The following PRKG1 variants were observed in gnomAD, a reference collection of about 807,000 sequenced individuals.
The protein encoded by PRKG1 is protein kinase cGMP-dependent 1, also known as cGMP-dependent protein kinase 1.
A neutral mutation model predicts 88.1 loss-of-function variants in PRKG1; 35 were observed. That is an observed-to-expected ratio of 0.40 (90% CI 0.30 to 0.53). The LOEUF is 0.53. Ranked by LOEUF, PRKG1 falls within the 20% of genes least tolerant of loss-of-function variation. The pLI, the probability that PRKG1 is intolerant of heterozygous loss-of-function variation, is 0.59. For synonymous variants in PRKG1, 303 were observed against 292.5 expected (o/e 1.04, Z -0.37); for missense variants, 540 against 839.8 (o/e 0.64, Z 4.41).
intron 4 of PRKG1, among the ~76,000 whole-genome samples, chr10:51,811,987 A>G (rs1266089422): frequency 6.6e-6 from 1 of 152,182 alleles, no homozygotes; most frequent in African/African-American, 2.4e-5. Flanking sequence ...TATTTGTATG[A>G]CTTATTAATA....
intron 5 of PRKG1, among the ~76,000 whole-genome samples, chr10:52,037,940 G>A (rs910371223): frequency 2.0e-5 from 3 of 152,154 alleles, no homozygotes; most frequent in Non-Finnish European, 4.4e-5. Flanking sequence ...TTTGGGATGA[G>A]TGGCACTGGG....
intron 5 of PRKG1, among the ~76,000 whole-genome samples, chr10:51,926,009 T>C (rs1028024717): frequency 3.3e-5 from 5 of 152,168 alleles, no homozygotes; most frequent in African/African-American, 1.2e-4. Flanking sequence ...GAGCACATAT[T>C]TTTAGCTCTT....
chr10:52,101,491 C>T (rs1202247950), intron 7 of PRKG1, among the ~76,000 whole-genome samples: 3 of 152,100 alleles, frequency 2.0e-5, no homozygotes, highest in Admixed American at 1.3e-4. Context: ...TGCATAAATT[C>T]ATATAAACAA....
chr10:52,001,366 A>G (rs112148578), intron 5 of PRKG1, among the ~76,000 whole-genome samples: 577 of 46,352 alleles, frequency 0.012, 6 homozygotes, highest in African/African-American at 0.061. Flanking sequence ...TCTCACCATA[A>G]AAAAAAAAAA....
At chr10:51,629,790 C>T (rs867745410) in intron 3 of PRKG1, among the ~76,000 whole-genome samples, 4 of 152,096 alleles carry the variant, frequency 2.6e-5, no homozygotes, top group African/African-American at 7.2e-5. Flanking sequence ...TTCCAGTTCG[C>T]GGGTATTTTA....
At chr10:51,077,135 T>C (rs1843974369) in intron 1 of PRKG1, among the ~76,000 whole-genome samples, 1 of 152,210 alleles carries the variant, frequency 6.6e-6, no homozygotes, top group South Asian at 2.1e-4. Flanking sequence ...TTATGTTGTT[T>C]GAATGGTTGT....
chr10:51,521,989 G>A (rs551853201), intron 3 of PRKG1, among the ~76,000 whole-genome samples: 45 of 152,172 alleles, frequency 3.0e-4, no homozygotes, highest in African/African-American at 9.4e-4. Flanking sequence ...AGAAAAATCA[G>A]CTTATAGCCA....
At chr10:52,019,832 T>A (rs1845136424) in intron 5 of PRKG1, among the ~76,000 whole-genome samples, 1 of 152,104 alleles carries the variant, frequency 6.6e-6, no homozygotes, top group Non-Finnish European at 1.5e-5. Context: ...TTTGGAGAGT[T>A]CTCTAGGCCC....
intron 3 of PRKG1, among the ~76,000 whole-genome samples, chr10:51,729,330 T>C (rs746771986): frequency 1.3e-5 from 2 of 152,148 alleles, no homozygotes; most frequent in Non-Finnish European, 2.9e-5. Context: ...TTTTCTAGGG[T>C]TTATTATCTC....
chr10:51,071,631 A>C (rs1448337780), upstream of PRKG1, among the ~76,000 whole-genome samples: 4 of 152,246 alleles, frequency 2.6e-5, no homozygotes, highest in Non-Finnish European at 4.4e-5. Flanking sequence ...TTGCATTTAG[A>C]TATGCCAGCT....
chr10:51,178,958 G>A (rs900285331), intron 2 of PRKG1, among the ~76,000 whole-genome samples: 4 of 152,180 alleles, frequency 2.6e-5, no homozygotes, highest in Admixed American at 6.5e-5. Context: ...GCTTAATGCA[G>A]TAAAATGAAA....
chr10:51,583,540 A>T (rs778036469), intron 3 of PRKG1, among the ~76,000 whole-genome samples: 8 of 151,396 alleles, frequency 5.3e-5, no homozygotes, highest in African/African-American at 1.9e-4. Context: ...CTACCAAAAC[A>T]TCTTCACAAT....
intron 7 of PRKG1, among the ~76,000 whole-genome samples, chr10:52,103,253 CATTTTT>C (rs986331541): frequency 6.6e-6 from 1 of 152,106 alleles, no homozygotes; most frequent in Admixed American, 6.6e-5. Context: ...CACATAGAAA[CATTTTT>C]AGAGAAAGGA....
intron 3 of PRKG1, among the ~76,000 whole-genome samples, chr10:51,571,620 C>T (rs1024222665): frequency 2.0e-5 from 3 of 151,818 alleles, no homozygotes; most frequent in African/African-American, 7.3e-5. Context: ...AAAGCTGAAA[C>T]TCATGCTGAA....
rs200818051 is a variant in PRKG1 at position 51,907,507 on chromosome 10, C to T, written c.699C>T (p.Ser233=). 8.1e-6 allele frequency: 13 copies of T among 1,612,192 alleles called. No homozygotes were observed. Among genetic ancestry groups the T allele is most frequent in the South Asian group, 7.7e-5 (7 of 90,854 alleles). ...KHTEYMEFLK[S]VPTFQSLPEE... ...AGCACTATTCTGTTTTGTTTTTCAG[C>T]GTTCCAACATTCCAGAGCCTTCCTG... Residue 233 remains serine (S), a splice_region_variant and synonymous_variant, in exon 5 of 18, where the codon AGC becomes AGT. Transcript: ENST00000373980.
At position 51,127,057 on chromosome 10, in the gene PRKG1, G is replaced by T. The variant is rs114474600; in HGVS notation, c.312-26107G>T. On this transcript the variant is annotated intron_variant, in intron 1 of 17. Coordinates refer to ENST00000373980, the MANE Select transcript of PRKG1 (RefSeq NM_006258.4). ...CGTTCAAGATGTAGGCATGGACAAA[G>T]ATTTCATGATGAAAACGCCAAAAAC... is the stretch of plus-strand genomic sequence containing the variant. 3.6e-3 allele frequency among the ~76,000 whole-genome samples: 546 copies of T among 152,272 alleles called. 7 individuals are homozygous for T. The highest frequency in any genetic ancestry group is 0.012 in the African/African-American group (519 of 41,562).
At chr10:52,225,406 T>G (rs886675391) in intron 9 of PRKG1, among the ~76,000 whole-genome samples, 3 of 152,204 alleles carry the variant, frequency 2.0e-5, no homozygotes, top group African/African-American at 7.2e-5. Flanking sequence ...GATGTATAGA[T>G]TTTGAAGATT....
At chr10:51,194,335 C>T (rs1244588856) in intron 2 of PRKG1, among the ~76,000 whole-genome samples, 3 of 151,504 alleles carry the variant, frequency 2.0e-5, no homozygotes, top group African/African-American at 7.3e-5. Flanking sequence ...GTTTGCTGCA[C>T]CTATCAACCT....
intron 3 of PRKG1, among the ~76,000 whole-genome samples, chr10:51,612,712 G>A (rs992648255): frequency 4.6e-5 from 7 of 151,982 alleles, no homozygotes; most frequent in Admixed American, 1.3e-4. Context: ...AGTTTAAAAG[G>A]AGAGTCTTTC....
Sources: gnomAD v4.1 joint callset for allele counts (sites outside exome capture counted in the v4.1 genomes callset) on GRCh38, gnomAD v4.1.1 for gene constraint, MANE v1.5 for transcripts, NCBI Gene and HGNC (gene_info 2026-07-23, HGNC 2026-07-21) for gene names.